Variants in IRX2 observed in about 807,000 individuals in gnomAD.
The protein encoded by IRX2 is iroquois homeobox 2, also known as iroquois-class homeodomain protein IRX-2.
In IRX2, 26 loss-of-function variants were observed where a neutral mutation model predicts 42.9. The observed-to-expected ratio is 0.61, with a 90% CI of 0.44 to 0.84. The LOEUF (loss-of-function observed/expected upper bound fraction) is 0.84. Ranked by LOEUF, IRX2 falls within the 40% of genes least tolerant of loss-of-function variation. The pLI is 0.00. For synonymous variants in IRX2, 424 were observed against 353.9 expected (o/e 1.20, Z -2.22); for missense variants, 782 against 713.9 (o/e 1.10, Z -1.09).
downstream of IRX2, among the ~76,000 whole-genome samples, chr5:2,742,810 T>C (rs1440211690): frequency 2.6e-5 from 4 of 152,340 alleles, no homozygotes; most frequent in Non-Finnish European, 5.9e-5. Context: ...AACAATTTTT[T>C]TTTCCAAATT....
chr5:2,740,178 C>CTT, the IRX2 span, among the ~76,000 whole-genome samples: 24 of 140,528 alleles, frequency 1.7e-4, no homozygotes, highest in South Asian at 6.8e-4. Flanking sequence ...GCAGTCGTGG[C>CTT]GTGCGGGGGC....
At position 2,749,635 on chromosome 5, in the gene IRX2, G is replaced by A. The variant is rs771720742; in HGVS notation, c.402C>T (p.Asn134=). Residue 134 remains asparagine (N), a synonymous_variant, in exon 2 of 4, where the codon AAC becomes AAT. Coordinates refer to ENST00000302057, the MANE Select transcript of IRX2 (RefSeq NM_033267.5). ...TGGGGTAGGGGTTCTTGCGGTGCTC[G>A]TTGAGCCAGGCCTTGAGAGTGGCCG... is the stretch of plus-strand genomic sequence containing the variant. The part of the protein sequence containing the change: ...DATATLKAWL[N]EHRKNPYPTK... 3 of 1,614,226 alleles carry A rather than the reference G, an allele frequency of 1.9e-6. No homozygotes were observed. Among genetic ancestry groups the A allele is most frequent in the Non-Finnish European group, 1.7e-6 (2 of 1,180,038 alleles).
intron 1 of IRX2, among the ~76,000 whole-genome samples, chr5:2,750,834 G>C (rs1363516533): frequency 6.6e-6 from 1 of 152,200 alleles, no homozygotes; most frequent in Non-Finnish European, 1.5e-5. Flanking sequence ...AGGCTGCGGT[G>C]CGGAAACCAG....
chr5:2,748,233 G>A (rs918370698), intron 3 of IRX2, 112 bp downstream of exon 3: 7 of 989,674 alleles, frequency 7.1e-6, no homozygotes, highest in Non-Finnish European at 9.5e-6. Context: ...GGTCCCAGGA[G>A]TGGCCCCCTG....
chr5:2,739,545 A>G, the IRX2 span, among the ~76,000 whole-genome samples: 3 of 152,020 alleles, frequency 2.0e-5, no homozygotes, highest in Non-Finnish European at 4.4e-5. Flanking sequence ...GACCGGGGGG[A>G]CCGGGGAGGA....
At position 2,747,371 on chromosome 5, in the gene IRX2, A is replaced by T; in HGVS notation, c.*193T>A. Reference sequence around the variant, plus strand: ...GAGTGATAGAACTTGTGCCAAAAAGAGGGAATCTATAAAACAGAAAATATA... The same window carrying T: ...GAGTGATAGAACTTGTGCCAAAAAGTGGGAATCTATAAAACAGAAAATATA... On this transcript the variant is annotated 3_prime_UTR_variant, in exon 4 of 4. Coordinates refer to ENST00000302057, the MANE Select transcript of IRX2 (RefSeq NM_033267.5). 1 of 503,756 alleles carries T rather than the reference A, an allele frequency of 2.0e-6. No individual in the cohort carries two copies. The highest frequency in any genetic ancestry group is 3.0e-5 in the East Asian group (1 of 33,888). 31.2% of individuals were successfully genotyped at this position (503,756 alleles called of 1,614,324 possible).
chr5:2,751,094 G>T lies in IRX2; in HGVS notation c.249+71C>A, dbSNP rs1737946484. 1 of 1,193,698 alleles carries T rather than the reference G, an allele frequency of 8.4e-7. No homozygotes were observed. Among genetic ancestry groups the T allele is most frequent in the African/African-American group, 1.6e-5 (1 of 62,792 alleles). 73.9% of individuals were successfully genotyped at this position (1,193,698 alleles called of 1,614,324 possible). On this transcript the variant is annotated intron_variant, in intron 1 of 3. Coordinates refer to ENST00000302057, the MANE Select transcript of IRX2 (RefSeq NM_033267.5). The surrounding 1 kb of genome is among the most constrained non-coding windows in gnomAD (Gnocchi z 4.0). The stretch of plus-strand genomic sequence containing the variant: ...GGCGGCCCCCGCCCGCCGAACCCGA[G>T]CCCCGCTCCGCCTGAGCCCCGTCTG...
downstream of IRX2, among the ~76,000 whole-genome samples, chr5:2,744,768 G>A (rs1447536727): frequency 6.6e-6 from 1 of 152,174 alleles, no homozygotes; most frequent in Non-Finnish European, 1.5e-5. Context: ...TTTACTTTAT[G>A]TCTGACCTCC....
At chr5:2,750,158 C>G (rs914719226) in intron 1 of IRX2, among the ~76,000 whole-genome samples, 3 of 152,048 alleles carry the variant, frequency 2.0e-5, no homozygotes, top group African/African-American at 7.2e-5. Context: ...GCGGCTGCCT[C>G]CCCCTACTCC....
In IRX2 at chr5:2,747,311, A is replaced by ATT. The variant is rs1737706195; in HGVS notation, c.*252_*253insAA. 3 of 256,164 alleles carry ATT rather than the reference A, an allele frequency of 1.2e-5. No individual in the cohort carries two copies. Among genetic ancestry groups the ATT allele is most frequent in the Non-Finnish European group, 2.2e-5 (3 of 136,590 alleles). The allele number at this position is 256,164 out of a possible 1,614,324, so 15.9% of individuals were successfully genotyped here. Reference sequence around the variant, plus strand: ...ATTACACACACACACACACACATATATATATATATTTTTTTTTTCCTTCCC... The same window carrying ATT: ...ATTACACACACACACACACACATATATTTATATATATTTTTTTTTTCCTTCCC... On this transcript the variant is annotated 3_prime_UTR_variant, in exon 4 of 4. Transcript: ENST00000302057.
At position 2,751,342 on chromosome 5, in the gene IRX2, G is replaced by A. The variant is rs1189734588; in HGVS notation, c.72C>T (p.Gly24=). ...TGCGCGGAGCCGCCAAAGCCGACGC[G>A]CCGTAGGCCGGGCACGAGTAGAGCG... ...SLALYSCPAY[G]ASALAAPRSE... Residue 24 remains glycine (G), a synonymous_variant, in exon 1 of 4, where the codon GGC becomes GGT. Transcript: ENST00000302057. This position sits in a 1 kb window ranked among gnomAD's most constrained non-coding sequence, Gnocchi z 4.0. 3 of 1,440,446 alleles carry A rather than the reference G, an allele frequency of 2.1e-6. No homozygotes were observed. Among genetic ancestry groups the A allele is most frequent in the Non-Finnish European group, 1.8e-6 (2 of 1,097,740 alleles). The allele number at this position is 1,440,446 out of a possible 1,614,324, so 89.2% of individuals were successfully genotyped here.
chr5:2,739,544 G>T, the IRX2 span, among the ~76,000 whole-genome samples: 3 of 152,218 alleles, frequency 2.0e-5, no homozygotes, highest in Non-Finnish European at 4.4e-5. Context: ...AGACCGGGGG[G>T]ACCGGGGAGG....
At chr5:2,737,269 C>T in the IRX2 span, 1 of 152,248 alleles carries the variant, frequency 6.6e-6, no homozygotes, top group Non-Finnish European at 1.5e-5. Flanking sequence ...CAGCCATTCT[C>T]CAGCTGAGTT....
rs1207972530 is a variant in IRX2, at chr5:2,749,628, G to A, written c.409C>T (p.Arg137Cys). ...ATLKAWLNEHRKNPYPTKGEK... is the reference protein window; with the variant it reads ...ATLKAWLNEHCKNPYPTKGEK... ...CCCTTGGTGGGGTAGGGGTTCTTGC[G>A]GTGCTCGTTGAGCCAGGCCTTGAGA... Residue 137 changes from arginine to cysteine, a missense_variant, in exon 2 of 4, where the codon CGC (arginine) becomes TGC (cysteine). By Grantham distance (180) the Arg-to-Cys change is radical. Around this residue, in one of 3 missense-constraint regions of IRX2, gnomAD observed 256 missense variants for 250.0 expected, o/e 1.02. Transcript: ENST00000302057. 2 of 1,614,114 alleles carry A rather than the reference G, an allele frequency of 1.2e-6. No homozygotes were observed. Among genetic ancestry groups the A allele is most frequent in the Non-Finnish European group, 1.7e-6 (2 of 1,180,048 alleles).
At chr5:2,741,650 G>A (rs990743988), downstream of IRX2, among the ~76,000 whole-genome samples, 3 of 152,164 alleles carry the variant, frequency 2.0e-5, no homozygotes, top group Non-Finnish European at 4.4e-5. Context: ...AATTGATCAG[G>A]AGTCACACAC....
downstream of IRX2, among the ~76,000 whole-genome samples, chr5:2,743,364 G>C (rs1399255765): frequency 6.6e-6 from 1 of 152,192 alleles, no homozygotes; most frequent in Non-Finnish European, 1.5e-5. Context: ...GGGCGCGGGA[G>C]GCAGCGCCCG....
chr5:2,750,655 G>GCCGCAGCATT (rs1737916640), intron 1 of IRX2, among the ~76,000 whole-genome samples: 1 of 152,252 alleles, frequency 6.6e-6, no homozygotes. Flanking sequence ...GGACTCCGGA[G>GCCGCAGCATT]CCGCAGCTGA....
downstream of IRX2, among the ~76,000 whole-genome samples, chr5:2,744,787 C>T (rs1737620568): frequency 1.3e-5 from 2 of 152,338 alleles, no homozygotes; most frequent in South Asian, 4.1e-4. Flanking sequence ...CCAAATGCTT[C>T]AATATTTAAA....
the IRX2 span, among the ~76,000 whole-genome samples, chr5:2,736,089 G>T: frequency 7.2e-5 from 11 of 152,142 alleles, no homozygotes; most frequent in Non-Finnish European, 1.5e-4. Flanking sequence ...CACGCCATGG[G>T]TTCCTAACAT....
Sources: gnomAD v4.1 joint callset for allele counts (sites outside exome capture counted in the v4.1 genomes callset) on GRCh38, gnomAD v4.1.1 for gene constraint, gnomAD v4.1.1 regional missense constraint, Gnocchi (gnomAD v3.1) non-coding constraint, MANE v1.5 for transcripts, NCBI Gene and HGNC (gene_info 2026-07-23, HGNC 2026-07-21) for gene names.